The following PAK4 variants were observed in gnomAD, a reference collection of about 807,000 sequenced individuals.
PAK4 encodes serine/threonine-protein kinase PAK 4.
PAK4 carries 49 observed loss-of-function variants against 53.5 expected under a neutral mutation model. The ratio of observed to expected loss-of-function variants is 0.92; its 90% CI spans 0.73 to 1.16. PAK4 has a LOEUF of 1.16. PAK4 is among the 50% of genes most tolerant of loss of function. The pLI is 0.00. For synonymous variants in PAK4, 376 were observed against 375.6 expected (o/e 1.00, Z -0.01); for missense variants, 824 against 850.7 (o/e 0.97, Z 0.39).
chr19:39,128,768 C>T (rs533509503), intron 1 of PAK4, among the ~76,000 whole-genome samples: 37 of 152,338 alleles, frequency 2.4e-4, no homozygotes, highest in African/African-American at 8.9e-4. Context: ...GTGTGGCAGT[C>T]ACCATTCCTC....
At chr19:39,170,310 T>C (rs546667970) in intron 2 of PAK4, among the ~76,000 whole-genome samples, 50 of 150,706 alleles carry the variant, frequency 3.3e-4, no homozygotes, top group African/African-American at 1.2e-3. Context: ...AGCCGGGCTT[T>C]AGTGGAGAAA....
chr19:39,169,849 C>T, intron 2 of PAK4, 92 bp downstream of exon 3: 2 of 874,818 alleles, frequency 2.3e-6, no homozygotes, highest in South Asian at 3.3e-5. Flanking sequence ...TGACCGACAC[C>T]TCCTCACTGA....
intron 7 of PAK4, among the ~76,000 whole-genome samples, chr19:39,177,233 C>T (rs1415405022): frequency 1.3e-5 from 2 of 152,192 alleles, no homozygotes; most frequent in Non-Finnish European, 2.9e-5. Context: ...GAGCTGGTCC[C>T]GGCAGCTCTG....
chr19:39,163,415 G>GT (rs1182769936), intron 1 of PAK4, among the ~76,000 whole-genome samples: 1 of 152,122 alleles, frequency 6.6e-6, no homozygotes, highest in Admixed American at 6.5e-5. Context: ...GGAGGTAAGG[G>GT]TTTTTGCACG....
intron 2 of PAK4, among the ~76,000 whole-genome samples, chr19:39,171,626 G>A (rs1222545472): frequency 6.6e-6 from 1 of 152,222 alleles, no homozygotes; most frequent in Non-Finnish European, 1.5e-5. Flanking sequence ...GGCAGACCAC[G>A]GATTTTGTGG....
At chr19:39,130,943 G>C (rs2073698327) in intron 1 of PAK4, among the ~76,000 whole-genome samples, 1 of 151,668 alleles carries the variant, frequency 6.6e-6, no homozygotes, top group Non-Finnish European at 1.5e-5. Flanking sequence ...AGCAGAAGAG[G>C]GTGGAGAAGA....
rs887033467 is a variant in PAK4 at position 39,178,812 on chromosome 19, C to G, written c.*233C>G. 54 of 482,384 alleles carry G rather than the reference C, an allele frequency of 1.1e-4. No homozygotes were observed. In the Admixed American group the frequency reaches 1.7e-3, roughly 15 times the overall value. The allele number at this position is 482,384 out of a possible 1,614,324, so 29.9% of individuals were successfully genotyped here. ...AAGCGAGGCTCCCAGGACCCCCACC[C>G]TCTGGGACAGGCCCTCCCCCATGTT... On this transcript the variant is annotated 3_prime_UTR_variant, in exon 9 of 9. Coordinates refer to ENST00000358301, the Ensembl canonical transcript of PAK4. This position sits in a 1 kb window ranked among gnomAD's most constrained non-coding sequence, Gnocchi z 4.4.
chr19:39,175,086 C>T lies in PAK4; in HGVS notation c.1232+22C>T. 6.3e-7 allele frequency: 1 copy of T among 1,591,614 alleles called. No homozygotes were observed. On this transcript the variant is annotated intron_variant, in intron 5 of 8. Coordinates refer to ENST00000358301, the Ensembl canonical transcript of PAK4. The surrounding 1 kb of genome is among the most constrained non-coding windows in gnomAD (Gnocchi z 4.7). Reference sequence around the variant, plus strand: ...CCAGGTATTTCTGGGGCCTCAGACCCCTCCTGTGACACGACCAAGTCCCCT... The same window carrying T: ...CCAGGTATTTCTGGGGCCTCAGACCTCTCCTGTGACACGACCAAGTCCCCT...
chr19:39,177,832 A>G, intron 8 of PAK4, 23 bp downstream of exon 9: 1 of 1,594,666 alleles, frequency 6.3e-7, no homozygotes, highest in Non-Finnish European at 8.6e-7. Context: ...CTGGCTGGGA[A>G]ACTGTGCGCC....
At chr19:39,174,121 C>T (rs1188706942) in intron 4 of PAK4, 111 bp downstream of exon 5, 1 of 731,364 alleles carries the variant, frequency 1.4e-6, no homozygotes, top group Non-Finnish European at 2.3e-6. Flanking sequence ...CCAGGCTCCC[C>T]TCCTCCCCTC....
At chr19:39,130,476 C>T (rs566153955) in intron 1 of PAK4, among the ~76,000 whole-genome samples, 203 of 151,896 alleles carry the variant, frequency 1.3e-3, no homozygotes, top group African/African-American at 4.2e-3. Context: ...AACATATGAG[C>T]GAGGCTGGAA....
At chr19:39,158,456 CT>C (rs2074230732) in intron 1 of PAK4, among the ~76,000 whole-genome samples, 1 of 152,198 alleles carries the variant, frequency 6.6e-6, no homozygotes, top group African/African-American at 2.4e-5. Context: ...CCCCTTCCCC[CT>C]GCCCAGCCTC....
intron 1 of PAK4, among the ~76,000 whole-genome samples, chr19:39,129,374 T>C (rs188161304): frequency 6.6e-6 from 1 of 152,088 alleles, no homozygotes; most frequent in Non-Finnish European, 1.5e-5. Context: ...GCTATAACCG[T>C]GCAGCAGTGG....
At chr19:39,149,275 A>G (rs1285397979) in intron 1 of PAK4, among the ~76,000 whole-genome samples, 1 of 152,258 alleles carries the variant, frequency 6.6e-6, no homozygotes, top group Non-Finnish European at 1.5e-5. Context: ...TGGAGGAACA[A>G]AAGATGGTAT....
intron 1 of PAK4, among the ~76,000 whole-genome samples, chr19:39,141,232 C>T (rs2073903775): frequency 6.6e-6 from 1 of 152,166 alleles, no homozygotes; most frequent in African/African-American, 2.4e-5. Context: ...AGAGCAAATC[C>T]CAAACGTCGT....
In PAK4 at chr19:39,172,899, C is replaced by T. The variant is rs1219471011; in HGVS notation, c.205-19C>T. The T allele has an allele frequency of 6.6e-7, 1 of 1,511,514 alleles. No individual in the cohort carries two copies. The highest frequency in any genetic ancestry group is 1.4e-5 in the African/African-American group (1 of 72,376). 93.6% of individuals were successfully genotyped at this position (1,511,514 alleles called of 1,614,324 possible). ...CCACTCCTTGCTGGGCCCCCACCCA[C>T]CATTGCCTGGGACCCCAGACCATCG... On this transcript the variant is annotated intron_variant, in intron 2 of 8. Coordinates refer to ENST00000358301, the Ensembl canonical transcript of PAK4.
At chr19:39,172,342 G>A (rs887596938) in intron 2 of PAK4, among the ~76,000 whole-genome samples, 1 of 152,174 alleles carries the variant, frequency 6.6e-6, no homozygotes, top group Non-Finnish European at 1.5e-5. Flanking sequence ...TGCACTGGAT[G>A]CTCTGCCTGG....
At position 39,178,657 on chromosome 19, in the gene PAK4, T is replaced by A; in HGVS notation, c.*78T>A. On this transcript the variant is annotated 3_prime_UTR_variant, in exon 9 of 9. Coordinates refer to ENST00000358301, the Ensembl canonical transcript of PAK4. This position sits in a 1 kb window ranked among gnomAD's most constrained non-coding sequence, Gnocchi z 4.4. ...ACTGAGGCCAGTAGGGGGCCAGGCCTCCCACTCCTCCCAGCCCGGGAGATG... is the reference window on the plus strand; with the variant it reads ...ACTGAGGCCAGTAGGGGGCCAGGCCACCCACTCCTCCCAGCCCGGGAGATG... 7.8e-7 allele frequency: 1 copy of A among 1,290,134 alleles called. No individual in the cohort carries two copies. Among genetic ancestry groups the A allele is most frequent in the Non-Finnish European group, 1.1e-6 (1 of 938,814 alleles). The allele number at this position is 1,290,134 out of a possible 1,614,324, so 79.9% of individuals were successfully genotyped here. A position where few individuals can be genotyped will look rare whatever the true frequency, so the allele number is the denominator to read the frequency against.
chr19:39,176,858 G>T, intron 7 of PAK4, 143 bp downstream of exon 8: 2 of 958,910 alleles, frequency 2.1e-6, no homozygotes, highest in East Asian at 5.0e-5. Flanking sequence ...CTGCAGGCAT[G>T]CATGTATTCA....
Sources: allele counts gnomAD v4.1 joint callset (sites outside exome capture counted in the v4.1 genomes callset), GRCh38; gene constraint gnomAD v4.1.1; non-coding constraint Gnocchi (gnomAD v3.1); transcripts MANE v1.5; gene names NCBI Gene and HGNC (gene_info 2026-07-23, HGNC 2026-07-21).